The following LRFN5 variants were observed in gnomAD, a reference collection of about 807,000 sequenced individuals.
The protein encoded by LRFN5 is leucine-rich repeat and fibronectin type-III domain-containing protein 5.
Under a neutral mutation model 45.6 loss-of-function variants are expected in LRFN5, and 24 were observed. That is an observed-to-expected ratio of 0.53 (90% CI 0.38 to 0.74). The LOEUF (loss-of-function observed/expected upper bound fraction) is 0.74. LRFN5 is among the 30% of genes least tolerant of loss of function. The pLI, the probability that LRFN5 is intolerant of heterozygous loss-of-function variation, is 0.00. For missense variants in LRFN5, 776 were observed against 861.5 expected, an observed-to-expected ratio of 0.90 and a Z score of 1.24; for synonymous variants, 340 against 313.8, an observed-to-expected ratio of 1.08 and a Z score of -0.88.
chr14:41,674,011 C>T (rs867377127), intron 1 of LRFN5, among the ~76,000 whole-genome samples: 2 of 140,660 alleles, frequency 1.4e-5, no homozygotes, highest in African/African-American at 5.4e-5. Context: ...ACTTCCCAGA[C>T]GCGGTGGCTG....
At chr14:41,899,051 A>C in intron 5 of LRFN5, 91 bp downstream of exon 5, 4 of 1,013,928 alleles carry the variant, frequency 3.9e-6, no homozygotes, top group Non-Finnish European at 5.8e-6. Flanking sequence ...TTGCTAATTT[A>C]TGTAGCTTGT....
At chr14:41,776,171 T>C (rs1752344748) in intron 2 of LRFN5, among the ~76,000 whole-genome samples, 2 of 152,214 alleles carry the variant, frequency 1.3e-5, no homozygotes, top group African/African-American at 4.8e-5. Context: ...TAGTGTATTT[T>C]ATGGGAAGTT....
At chr14:41,725,367 T>C (rs1465576914) in intron 1 of LRFN5, among the ~76,000 whole-genome samples, 1 of 152,206 alleles carries the variant, frequency 6.6e-6, no homozygotes, top group Non-Finnish European at 1.5e-5. Flanking sequence ...TTGGAGATAG[T>C]TGACATTTCA....
intron 1 of LRFN5, among the ~76,000 whole-genome samples, chr14:41,744,823 G>A (rs1490817194): frequency 6.6e-6 from 1 of 152,054 alleles, no homozygotes; most frequent in African/African-American, 2.4e-5. Context: ...TAAAAGTTGA[G>A]CAAGAGTAAT....
intron 1 of LRFN5, among the ~76,000 whole-genome samples, chr14:41,647,390 G>A (rs1374762738): frequency 2.0e-5 from 3 of 152,120 alleles, no homozygotes; most frequent in African/African-American, 7.2e-5. Flanking sequence ...TACATCTCAT[G>A]GAGGAATTTA....
chr14:41,879,946 A>G lies in LRFN5; in HGVS notation c.-20-6660A>G, dbSNP rs542985867. On this transcript the variant is annotated intron_variant, in intron 2 of 5. Coordinates refer to ENST00000298119, the MANE Select transcript of LRFN5 (RefSeq NM_152447.5). ...TTTTTTTTTTTTTTTTTTTTTTAAC[A>G]GAGTCTCACTCTGTTGCCCAGGCTG... Among the ~76,000 whole-genome samples, 5 of 112,794 alleles carry G rather than the reference A, an allele frequency of 4.4e-5. No homozygotes were observed. The South Asian group carries it at 1.2e-3, about 27-fold the overall frequency. The allele number at this position is 112,794 out of a possible 152,430, so 74.0% of individuals were successfully genotyped here.
At chr14:41,615,945 A>G (rs1887913387) in intron 1 of LRFN5, among the ~76,000 whole-genome samples, 1 of 152,114 alleles carries the variant, frequency 6.6e-6, no homozygotes, top group Non-Finnish European at 1.5e-5. Flanking sequence ...ATTACAAACA[A>G]TCAAATTACA....
chr14:41,762,194 T>C (rs1885702225), intron 1 of LRFN5, among the ~76,000 whole-genome samples: 1 of 151,632 alleles, frequency 6.6e-6, no homozygotes, highest in East Asian at 1.9e-4. Flanking sequence ...ACAGTATCCC[T>C]TAATGTTATT....
intron 2 of LRFN5, among the ~76,000 whole-genome samples, chr14:41,847,188 C>T (rs935460772): frequency 6.6e-6 from 1 of 152,038 alleles, no homozygotes; most frequent in Non-Finnish European, 1.5e-5. Context: ...CCTTCTGCTC[C>T]ATGAGGTTAG....
At chr14:41,659,092 G>A (rs950702934) in intron 1 of LRFN5, among the ~76,000 whole-genome samples, 1 of 151,922 alleles carries the variant, frequency 6.6e-6, no homozygotes, top group Non-Finnish European at 1.5e-5. Flanking sequence ...TGGAGTACAT[G>A]TTGAGAACTT....
chr14:41,678,005 A>G (rs1881712773), intron 1 of LRFN5, among the ~76,000 whole-genome samples: 1 of 152,036 alleles, frequency 6.6e-6, no homozygotes, highest in African/African-American at 2.4e-5. Flanking sequence ...ATTGTCAGAG[A>G]TTGTCATGAT....
rs376259731 is a variant in LRFN5, at chr14:41,869,312, A to G, written c.-20-17294A>G. ...GGTCTGTTAGGAAGTCCCTATTTTC[A>G]TCATCAGAAAAAGCTCTCAGAACAA... On this transcript the variant is annotated intron_variant, in intron 2 of 5. Coordinates refer to ENST00000298119, the MANE Select transcript of LRFN5 (RefSeq NM_152447.5). Among the ~76,000 whole-genome samples the G allele has an allele frequency of 2.2e-4, 33 of 152,224 alleles. No homozygotes were observed. The East Asian group carries it at 6.4e-3, about 30-fold the overall frequency.
intron 1 of LRFN5, among the ~76,000 whole-genome samples, chr14:41,619,336 C>T (rs1231023151): frequency 6.6e-6 from 1 of 151,920 alleles, no homozygotes; most frequent in Non-Finnish European, 1.5e-5. Context: ...TAATGAGGTG[C>T]AGGGCATAGG....
intron 2 of LRFN5, among the ~76,000 whole-genome samples, chr14:41,861,920 G>A (rs1889677935): frequency 6.6e-6 from 1 of 152,004 alleles, no homozygotes; most frequent in South Asian, 2.1e-4. Flanking sequence ...ATCTCAAATC[G>A]TCATCCTCAT....
At chr14:41,627,523 A>G (rs143517875) in intron 1 of LRFN5, among the ~76,000 whole-genome samples, 5 of 152,140 alleles carry the variant, frequency 3.3e-5, no homozygotes, top group African/African-American at 1.2e-4. Flanking sequence ...TAGCAGCTAT[A>G]CATTTGAGTC....
intron 1 of LRFN5, among the ~76,000 whole-genome samples, chr14:41,729,921 G>T (rs1039568058): frequency 1.3e-5 from 2 of 151,768 alleles, no homozygotes; most frequent in Non-Finnish European, 2.9e-5. Context: ...TGCCAATTAG[G>T]TGAAGAATAA....
Position 41,626,665 on chromosome 14 carries a change from G to A in LRFN5, c.-197+18103G>A, listed in dbSNP as rs892185848. ...ATTGTGCATCTCTACGTCTGGCCCT[G>A]GCACAATGTTCACTATGTAGATTAA... On this transcript the variant is annotated intron_variant, in intron 1 of 5. Transcript: ENST00000298119. Among the ~76,000 whole-genome samples, 5 of 151,942 alleles carry A rather than the reference G, an allele frequency of 3.3e-5. No homozygotes were observed. In the East Asian group the frequency reaches 9.6e-4, roughly 29 times the overall value.
chr14:41,673,842 G>T (rs768889821), intron 1 of LRFN5, among the ~76,000 whole-genome samples: 2 of 145,678 alleles, frequency 1.4e-5, no homozygotes, highest in African/African-American at 2.5e-5. Flanking sequence ...ATGGCCGGGC[G>T]GGGGGCTGAA....
chr14:41,712,264 T>C (rs950566700), intron 1 of LRFN5, among the ~76,000 whole-genome samples: 1 of 150,138 alleles, frequency 6.7e-6, no homozygotes. Flanking sequence ...TAATTTTCAT[T>C]AAGAAAAAGG....
Sources: gnomAD v4.1 joint callset for allele counts (sites outside exome capture counted in the v4.1 genomes callset) on GRCh38, gnomAD v4.1.1 for gene constraint, MANE v1.5 for transcripts, NCBI Gene and HGNC (gene_info 2026-07-23, HGNC 2026-07-21) for gene names.